Variants in GRM7 observed in about 807,000 individuals in gnomAD.
GRM7 encodes the protein metabotropic glutamate receptor 7.
Under a neutral mutation model 84.5 loss-of-function variants are expected in GRM7, and 35 were observed. That is an observed-to-expected ratio of 0.41 (90% CI 0.32 to 0.55). GRM7 has a LOEUF of 0.55. Among genes scored for constraint, GRM7 ranks in the 20% least tolerant of loss-of-function variants. The pLI, the probability that GRM7 is intolerant of heterozygous loss-of-function variation, is 0.19. For synonymous variants in GRM7, 487 were observed against 455.1 expected, an observed-to-expected ratio of 1.07 and a Z score of -0.89; for missense variants, 1,003 against 1,194.6, an observed-to-expected ratio of 0.84 and a Z score of 2.36.
intron 7 of GRM7, among the ~76,000 whole-genome samples, chr3:7,502,065 G>A (rs531636912): frequency 6.6e-6 from 1 of 152,256 alleles, no homozygotes; most frequent in East Asian, 1.9e-4. Context: ...CCTTCTGCCT[G>A]CTGCGTATAA....
chr3:6,990,506 G>A (rs1385482891), intron 1 of GRM7, among the ~76,000 whole-genome samples: 6 of 152,066 alleles, frequency 3.9e-5, no homozygotes, highest in Non-Finnish European at 8.8e-5. Flanking sequence ...AGGCTTTTTA[G>A]TTATTACTAT....
chr3:7,473,156 G>T (rs911927507), intron 7 of GRM7, among the ~76,000 whole-genome samples: 3 of 152,070 alleles, frequency 2.0e-5, no homozygotes, highest in African/African-American at 7.2e-5. Flanking sequence ...AAGTCACATT[G>T]ATTGCTTACT....
At chr3:6,974,299 T>C (rs1185117541) in intron 1 of GRM7, among the ~76,000 whole-genome samples, 1 of 152,152 alleles carries the variant, frequency 6.6e-6, no homozygotes, top group African/African-American at 2.4e-5. Context: ...AAAATTGACA[T>C]GTTATGTTCA....
intron 2 of GRM7, among the ~76,000 whole-genome samples, chr3:7,263,340 A>T (rs968597124): frequency 6.6e-6 from 1 of 152,194 alleles, no homozygotes; most frequent in Non-Finnish European, 1.5e-5. Flanking sequence ...CACAACACTT[A>T]GATGGGTGGT....
At chr3:6,884,761 G>T (rs1695629355) in intron 1 of GRM7, among the ~76,000 whole-genome samples, 1 of 151,926 alleles carries the variant, frequency 6.6e-6, no homozygotes, top group African/African-American at 2.4e-5. Context: ...CACCACACCT[G>T]GCTGATTTTT....
At position 7,603,154 on chromosome 3, in the gene GRM7, A is replaced by G. The variant is rs3804875; in HGVS notation, c.2451+23797A>G. Among the ~76,000 whole-genome samples the G allele has an allele frequency of 1.6e-4, 24 of 152,270 alleles. No homozygotes were observed. In the East Asian group the frequency reaches 4.6e-3, roughly 29 times the overall value. ...CTAATGCCCATATACATGCCCTTCG[A>G]TCAAACTTGCCTATTTTCAGTTGAT... On this transcript the variant is annotated intron_variant, in intron 8 of 9. Coordinates refer to ENST00000357716, the MANE Select transcript of GRM7 (RefSeq NM_000844.4).
intron 5 of GRM7, among the ~76,000 whole-genome samples, chr3:7,451,407 G>A (rs1316947972): frequency 1.3e-5 from 2 of 152,104 alleles, no homozygotes; most frequent in Admixed American, 6.6e-5. Flanking sequence ...TGAGCGCCTC[G>A]GTGTGACAAA....
At chr3:6,932,856 T>C (rs1245545912) in intron 1 of GRM7, among the ~76,000 whole-genome samples, 1 of 151,240 alleles carries the variant, frequency 6.6e-6, no homozygotes, top group African/African-American at 2.4e-5. Context: ...CTGGGTTCAT[T>C]TGATTCTCCT....
At chr3:7,499,975 C>G (rs895408942) in intron 7 of GRM7, among the ~76,000 whole-genome samples, 1 of 152,062 alleles carries the variant, frequency 6.6e-6, no homozygotes, top group Non-Finnish European at 1.5e-5. Flanking sequence ...GGGGTTTCAC[C>G]GTGTTAGCCA....
chr3:6,887,575 G>A (rs557840928), intron 1 of GRM7, among the ~76,000 whole-genome samples: 2 of 152,140 alleles, frequency 1.3e-5, no homozygotes, highest in African/African-American at 2.4e-5. Flanking sequence ...ATTTTTTATG[G>A]CTGCATAGTA....
chr3:7,417,107 G>T (rs1048449406), intron 5 of GRM7, among the ~76,000 whole-genome samples: 7 of 152,064 alleles, frequency 4.6e-5, no homozygotes, highest in Admixed American at 6.6e-5. Flanking sequence ...AACTAGTAAG[G>T]TCATTATGCA....
At chr3:6,864,279 A>T (rs1183007121) in intron 1 of GRM7, among the ~76,000 whole-genome samples, 1 of 152,224 alleles carries the variant, frequency 6.6e-6, no homozygotes, top group Non-Finnish European at 1.5e-5. Flanking sequence ...TGCAAGCTAG[A>T]TAAAACAGTT....
chr3:7,477,786 C>G (rs912033910), intron 7 of GRM7, among the ~76,000 whole-genome samples: 2 of 152,170 alleles, frequency 1.3e-5, no homozygotes, highest in Non-Finnish European at 2.9e-5. Context: ...TTCCCTCTCT[C>G]CTTGTGAAGC....
chr3:7,133,761 C>T (rs780507739), intron 1 of GRM7, among the ~76,000 whole-genome samples: 3 of 152,002 alleles, frequency 2.0e-5, no homozygotes, highest in Non-Finnish European at 2.9e-5. Context: ...GGGATTAATC[C>T]TAGGTTACTG....
At chr3:7,053,477 C>T in intron 1 of GRM7, among the ~76,000 whole-genome samples, 1 of 151,572 alleles carries the variant, frequency 6.6e-6, no homozygotes, top group Non-Finnish European at 1.5e-5. Flanking sequence ...TAATGTTCTC[C>T]TATTCTTTTC....
intron 8 of GRM7, among the ~76,000 whole-genome samples, chr3:7,647,134 G>T (rs1166195410): frequency 6.6e-6 from 1 of 152,192 alleles, no homozygotes; most frequent in Non-Finnish European, 1.5e-5. Flanking sequence ...AACCCGTGTG[G>T]GTATGAGGAT....
chr3:7,413,994 G>A (rs975295349), intron 4 of GRM7, among the ~76,000 whole-genome samples: 3 of 152,174 alleles, frequency 2.0e-5, no homozygotes, highest in African/African-American at 7.2e-5. Flanking sequence ...TTAGGCAGAT[G>A]TAGGTCCAAA....
chr3:7,041,575 C>T (rs535733529), intron 1 of GRM7, among the ~76,000 whole-genome samples: 8 of 152,184 alleles, frequency 5.3e-5, no homozygotes, highest in African/African-American at 1.9e-4. Flanking sequence ...ACAAGTGAAG[C>T]TGTTATAAAT....
At chr3:7,080,120 T>C (rs959293690) in intron 1 of GRM7, among the ~76,000 whole-genome samples, 4 of 152,010 alleles carry the variant, frequency 2.6e-5, no homozygotes, top group African/African-American at 9.7e-5. Context: ...TTTCTCTCCT[T>C]CCCACTCACT....
Sources: gnomAD v4.1 joint callset for allele counts (sites outside exome capture counted in the v4.1 genomes callset) on GRCh38, gnomAD v4.1.1 for gene constraint, MANE v1.5 for transcripts, NCBI Gene and HGNC (gene_info 2026-07-23, HGNC 2026-07-21) for gene names.